Variants in PCSK5 observed in about 807,000 individuals in gnomAD.
PCSK5 encodes prohormone convertase 5.
Under a neutral mutation model 233.2 loss-of-function variants are expected in PCSK5, and 129 were observed. The observed-to-expected ratio is 0.55, with a 90% CI of 0.48 to 0.64. PCSK5 has a LOEUF of 0.64. Among genes scored for constraint, PCSK5 ranks in the 30% least tolerant of loss-of-function variants. The pLI is 0.00. For synonymous variants in PCSK5, 825 were observed against 879.2 expected (o/e 0.94, Z 1.09); for missense variants, 2,076 against 2,430.1 (o/e 0.85, Z 3.06).
rs542211366 is a variant in PCSK5, at chr9:76,266,941, T to C, written c.3143-25292T>C. The stretch of plus-strand genomic sequence containing the variant: ...CTGTAAACCTGGAAAAAAAATAGAC[T>C]GCACAGATGAGCAGTTTCGGTGCAC... On this transcript the variant is annotated intron_variant, in intron 24 of 37. Coordinates refer to ENST00000674117, the MANE Select transcript of PCSK5 (RefSeq NM_001372043.1). Among the ~76,000 whole-genome samples the C allele has an allele frequency of 3.9e-4, 59 of 152,250 alleles. No homozygotes were observed. In the South Asian group the frequency reaches 0.011, roughly 29 times the overall value.
At chr9:76,351,528 GAAAGGAAGGAAA>G (rs1830153817) in intron 36 of PCSK5, among the ~76,000 whole-genome samples, 2 of 120,656 alleles carry the variant, frequency 1.7e-5, no homozygotes, top group African/African-American at 6.1e-5. Context: ...AAGAAAGAAA[GAAAGGAAGGAAA>G]GAAAGAGAAA....
chr9:76,335,861 G>C (rs1333014992), intron 34 of PCSK5, among the ~76,000 whole-genome samples: 1 of 152,078 alleles, frequency 6.6e-6, no homozygotes, highest in Non-Finnish European at 1.5e-5. Context: ...ATCTCATGAC[G>C]TTACTGTTAG....
At chr9:76,127,162 G>C (rs1052121062) in intron 9 of PCSK5, among the ~76,000 whole-genome samples, 1 of 152,126 alleles carries the variant, frequency 6.6e-6, no homozygotes, top group Non-Finnish European at 1.5e-5. Context: ...TAATAATGGC[G>C]ATGCAGTCAA....
chr9:76,080,120 G>T (rs1023852032), intron 7 of PCSK5, among the ~76,000 whole-genome samples: 13 of 151,694 alleles, frequency 8.6e-5, no homozygotes, highest in African/African-American at 3.2e-4. Context: ...TGAAGCCGTT[G>T]TCCCACCTTG....
chr9:76,079,176 T>C (rs1405781125), intron 7 of PCSK5, among the ~76,000 whole-genome samples: 3 of 151,892 alleles, frequency 2.0e-5, no homozygotes, highest in Non-Finnish European at 4.4e-5. Flanking sequence ...TGATCTTGGC[T>C]CACTGCAACC....
At chr9:76,276,227 A>G (rs1827684517) in intron 24 of PCSK5, among the ~76,000 whole-genome samples, 1 of 152,104 alleles carries the variant, frequency 6.6e-6, no homozygotes, top group African/African-American at 2.4e-5. Context: ...ATATATAAAT[A>G]AATAAAAAAA....
At chr9:76,159,722 C>T (rs1401187657) in intron 12 of PCSK5, among the ~76,000 whole-genome samples, 2 of 151,744 alleles carry the variant, frequency 1.3e-5, no homozygotes, top group East Asian at 3.9e-4. Flanking sequence ...TGCCTGTGTG[C>T]CAAATCAAAC....
chr9:76,187,544 G>T (rs1315425075), intron 17 of PCSK5, among the ~76,000 whole-genome samples: 2 of 151,842 alleles, frequency 1.3e-5, no homozygotes, highest in Non-Finnish European at 2.9e-5. Flanking sequence ...TTTAGCCTTT[G>T]TAGAGATGGC....
At chr9:75,999,541 T>G (rs1351938034) in intron 3 of PCSK5, among the ~76,000 whole-genome samples, 1 of 152,230 alleles carries the variant, frequency 6.6e-6, no homozygotes, top group Admixed American at 6.5e-5. Flanking sequence ...GTTGGGCTAG[T>G]TAATTGCAGC....
chr9:76,168,614 G>T (rs12552341), intron 12 of PCSK5, among the ~76,000 whole-genome samples: 1 of 152,040 alleles, frequency 6.6e-6, no homozygotes, highest in Non-Finnish European at 1.5e-5. Flanking sequence ...TGCAAATTCG[G>T]AGCTTTGGAA....
At chr9:75,916,874 A>G (rs1823021458) in intron 1 of PCSK5, among the ~76,000 whole-genome samples, 1 of 152,222 alleles carries the variant, frequency 6.6e-6, no homozygotes, top group African/African-American at 2.4e-5. Context: ...AGCTCTTTAA[A>G]GATGGGAAAA....
chr9:76,355,523 C>G (rs997487491), intron 37 of PCSK5, among the ~76,000 whole-genome samples: 3 of 152,034 alleles, frequency 2.0e-5, no homozygotes, highest in African/African-American at 7.2e-5. Context: ...TTAAAATATA[C>G]TCTCTAGTCC....
intron 1 of PCSK5, among the ~76,000 whole-genome samples, chr9:75,909,660 A>T (rs1156570700): frequency 6.6e-6 from 1 of 152,168 alleles, no homozygotes; most frequent in Non-Finnish European, 1.5e-5. Flanking sequence ...GTGCCATTGC[A>T]CTTCAGCCTG....
At chr9:76,069,008 A>G (rs1830387085) in intron 6 of PCSK5, among the ~76,000 whole-genome samples, 1 of 152,198 alleles carries the variant, frequency 6.6e-6, no homozygotes, top group South Asian at 2.1e-4. Context: ...GGTATACAAT[A>G]ATAGAACTAA....
chr9:76,167,170 C>T (rs929419061), intron 12 of PCSK5, among the ~76,000 whole-genome samples: 1 of 152,170 alleles, frequency 6.6e-6, no homozygotes, highest in Admixed American at 6.5e-5. Flanking sequence ...CCAGATCCAA[C>T]CTGGTTCCTC....
At chr9:76,156,457 T>C (rs1472322905) in intron 10 of PCSK5, among the ~76,000 whole-genome samples, 1 of 152,236 alleles carries the variant, frequency 6.6e-6, no homozygotes. Flanking sequence ...TCTTCTAAGG[T>C]AGTCAACCTA....
chr9:75,988,943 A>G (rs1826644733), intron 3 of PCSK5, among the ~76,000 whole-genome samples: 1 of 152,178 alleles, frequency 6.6e-6, no homozygotes, highest in South Asian at 2.1e-4. Context: ...GAAGCCTCTA[A>G]TCTATCCAAA....
intron 24 of PCSK5, among the ~76,000 whole-genome samples, chr9:76,243,821 A>G (rs1179410371): frequency 1.3e-5 from 2 of 152,240 alleles, no homozygotes; most frequent in African/African-American, 2.4e-5. Context: ...CCAAATTCAA[A>G]GCAGAGATGA....
intron 5 of PCSK5, among the ~76,000 whole-genome samples, chr9:76,064,371 A>C (rs1180571146): frequency 1.6e-4 from 13 of 80,264 alleles, no homozygotes; most frequent in East Asian, 4.1e-4. Context: ...TGACCCCCCC[A>C]CCTCCCTCCC....
Sources: allele counts gnomAD v4.1 joint callset (sites outside exome capture counted in the v4.1 genomes callset), GRCh38; gene constraint gnomAD v4.1.1; transcripts MANE v1.5; gene names NCBI Gene and HGNC (gene_info 2026-07-23, HGNC 2026-07-21).